GTF2H5: variants seen among roughly 807,000 people sequenced by gnomAD.
GTF2H5 encodes general transcription factor IIH subunit 5, also known as TFB5 ortholog.
Under a neutral mutation model 7.1 loss-of-function variants are expected in GTF2H5, and 5 were observed. The observed-to-expected ratio is 0.71, with a 90% CI of 0.37 to 1.49. The LOEUF (loss-of-function observed/expected upper bound fraction) is 1.49. Among genes scored for constraint, GTF2H5 ranks in the 40% most tolerant of loss-of-function variants. The probability of loss-of-function intolerance (pLI) is 0.03; values close to 1 mark genes in which losing one functional copy is unlikely to be tolerated. For missense variants in GTF2H5, 80 were observed against 83.0 expected (o/e 0.96, Z 0.14); for synonymous variants, 30 against 31.7 (o/e 0.95, Z 0.18).
At chr6:158,169,401 ATTG>A in intron 1 of GTF2H5, among the ~76,000 whole-genome samples, 1 of 71,212 alleles carries the variant, frequency 1.4e-5, no homozygotes, top group African/African-American at 5.2e-5. Flanking sequence ...ATAATATTAT[ATTG>A]TATATTATAT....
At chr6:158,169,698 T>C (rs192377948) in intron 1 of GTF2H5, among the ~76,000 whole-genome samples, 1 of 80,788 alleles carries the variant, frequency 1.2e-5, no homozygotes, top group South Asian at 3.1e-4. Flanking sequence ...ATATATTATA[T>C]AATATATTGT....
intron 2 of GTF2H5, among the ~76,000 whole-genome samples, chr6:158,170,840 G>A (rs1485053880): frequency 6.6e-6 from 1 of 152,170 alleles, no homozygotes; most frequent in African/African-American, 2.4e-5. Context: ...TCAGGAACTT[G>A]CTTAAGTCTT....
At chr6:158,191,829 A>T in intron 2 of GTF2H5, 148 bp from the exon 3 acceptor site, 1 of 685,616 alleles carries the variant, frequency 1.5e-6, no homozygotes, top group Non-Finnish European at 2.6e-6. Flanking sequence ...TAAATTGTTA[A>T]CACTTGAGGC....
At chr6:158,182,018 G>A (rs1786017898) in intron 2 of GTF2H5, among the ~76,000 whole-genome samples, 1 of 152,182 alleles carries the variant, frequency 6.6e-6, no homozygotes, top group Non-Finnish European at 1.5e-5. Context: ...GGTACCGGTT[G>A]TTCCTTTCCA....
intron 2 of GTF2H5, among the ~76,000 whole-genome samples, chr6:158,186,780 G>C (rs1776929283): frequency 6.6e-6 from 1 of 152,198 alleles, no homozygotes; most frequent in East Asian, 1.9e-4. Context: ...AAGGGGAATG[G>C]GGGGCGGGCT....
Position 158,199,197 on chromosome 6 carries a change from C to G in GTF2H5, c.*7040C>G, listed in dbSNP as rs1179340920. On this transcript the variant is annotated 3_prime_UTR_variant, in exon 3 of 3. Coordinates refer to ENST00000607778, the MANE Select transcript of GTF2H5 (RefSeq NM_207118.3). The stretch of plus-strand genomic sequence containing the variant: ...CTGAGCTTTTGGTTACGTTGCACTC[C>G]CTTTAAAATTACTCCGTTTAAGTAC... The G allele has an allele frequency of 6.6e-6, 1 of 151,304 alleles. No individual in the cohort carries two copies. Among genetic ancestry groups the G allele is most frequent in the Non-Finnish European group, 1.5e-5 (1 of 68,018 alleles). 9.4% of individuals were successfully genotyped at this position (151,304 alleles called of 1,614,324 possible).
intron 2 of GTF2H5, among the ~76,000 whole-genome samples, chr6:158,181,193 C>G (rs1786005331): frequency 6.6e-6 from 1 of 152,142 alleles, no homozygotes; most frequent in African/African-American, 2.4e-5. Context: ...TGAGTGAATT[C>G]TTAATCCTGA....
In GTF2H5 at chr6:158,169,451, TA is replaced by T. The variant is rs1454139025; in HGVS notation, c.-34-1018del. ...TATATTGTATATTATATATATTATA[TA>T]TTATATATATTATATTGTATATTAT... On this transcript the variant is annotated intron_variant, in intron 1 of 2. Coordinates refer to ENST00000607778, the MANE Select transcript of GTF2H5 (RefSeq NM_207118.3). 2.8e-5 allele frequency among the ~76,000 whole-genome samples: 2 copies of T among 71,094 alleles called. 1 individual carries two copies. Among genetic ancestry groups the T allele is most frequent in the East Asian group, 1.1e-3 (2 of 1,888 alleles). The allele number at this position is 71,094 out of a possible 152,430, so 46.6% of individuals were successfully genotyped here.
At chr6:158,172,703 A>T (rs532961482) in intron 2 of GTF2H5, among the ~76,000 whole-genome samples, 2 of 152,162 alleles carry the variant, frequency 1.3e-5, no homozygotes, top group African/African-American at 4.8e-5. Context: ...CCTTAATCAC[A>T]TAATTTTACT....
intron 2 of GTF2H5, among the ~76,000 whole-genome samples, chr6:158,177,531 G>C (rs1261909875): frequency 6.6e-6 from 1 of 152,180 alleles, no homozygotes; most frequent in African/African-American, 2.4e-5. Flanking sequence ...GGCTGCGCTG[G>C]GTAAAGCACA....
intron 2 of GTF2H5, among the ~76,000 whole-genome samples, chr6:158,186,112 A>G (rs1012381336): frequency 3.3e-5 from 5 of 152,234 alleles, no homozygotes; most frequent in African/African-American, 1.2e-4. Context: ...AGTTGATTTA[A>G]AGGCAATTTA....
At chr6:158,185,998 A>C (rs1486098510) in intron 2 of GTF2H5, among the ~76,000 whole-genome samples, 1 of 152,222 alleles carries the variant, frequency 6.6e-6, no homozygotes, top group Non-Finnish European at 1.5e-5. Context: ...GTCTCAAAAA[A>C]AATAAAGAGA....
chr6:158,173,396 T>A (rs1347648959), intron 2 of GTF2H5, among the ~76,000 whole-genome samples: 2 of 152,216 alleles, frequency 1.3e-5, no homozygotes, highest in Non-Finnish European at 2.9e-5. Flanking sequence ...TGGCCAGTGC[T>A]AGTGGATTCC....
At chr6:158,169,386 T>C (rs1370713663) in intron 1 of GTF2H5, among the ~76,000 whole-genome samples, 1 of 97,246 alleles carries the variant, frequency 1.0e-5, no homozygotes, top group South Asian at 2.6e-4. Flanking sequence ...TATTATATAT[T>C]ATATATAATA....
rs10625768 is a variant in GTF2H5 at position 158,192,905 on chromosome 6, CAAAAAAAAAA to C, written c.*765_*774del. 1.2e-4 allele frequency: 6 copies of C among 49,306 alleles called. No homozygotes were observed. Among genetic ancestry groups the C allele is most frequent in the South Asian group, 9.8e-4 (1 of 1,024 alleles). The allele number at this position is 49,306 out of a possible 1,614,324, so 3.1% of individuals were successfully genotyped here. A position where few individuals can be genotyped will look rare whatever the true frequency, so the allele number is the denominator to read the frequency against. Reference sequence around the variant, plus strand: ...CCTGGACAACAGAGAGACCCTGCCTCAAAAAAAAAAAAAAAAAAAAAAAAAATTCTACTTG... The same window carrying C: ...CCTGGACAACAGAGAGACCCTGCCTCAAAAAAAAAAAAAAAATTCTACTTG... On this transcript the variant is annotated 3_prime_UTR_variant, in exon 3 of 3. Transcript: ENST00000607778.
At chr6:158,173,910 A>C (rs1583629054) in intron 2 of GTF2H5, among the ~76,000 whole-genome samples, 1 of 152,186 alleles carries the variant, frequency 6.6e-6, no homozygotes, top group South Asian at 2.1e-4. Context: ...AGAGGCAGGG[A>C]TTCTGTGGAA....
rs79076913 is a variant in GTF2H5 at position 158,192,306 on chromosome 6, A to G, written c.*149A>G. On this transcript the variant is annotated 3_prime_UTR_variant, in exon 3 of 3. Transcript: ENST00000607778. ...AGGGATCATGATCATTTGTTCAGAA[A>G]AAAAGCCCCTGAACTGATTTTGTTA... 36 of 657,502 alleles carry G rather than the reference A, an allele frequency of 5.5e-5. 1 individual carries two copies. The highest frequency in any genetic ancestry group is 5.0e-4 in the South Asian group (29 of 57,652). The allele number at this position is 657,502 out of a possible 1,614,324, so 40.7% of individuals were successfully genotyped here.
chr6:158,172,316 CT>C (rs879859644), intron 2 of GTF2H5, among the ~76,000 whole-genome samples: 474 of 140,292 alleles, frequency 3.4e-3, no homozygotes, highest in African/African-American at 4.2e-3. Context: ...AAATTAGCTT[CT>C]TTTTTTTTTT....
Position 158,196,017 on chromosome 6 carries a change from C to G in GTF2H5, c.*3860C>G, listed in dbSNP as rs1450426997. On this transcript the variant is annotated 3_prime_UTR_variant, in exon 3 of 3. Transcript: ENST00000607778. ...ACTGACTGGGCCGGGCGCGGTGGCT[C>G]ACGTCTATAATCCTAGCACTTTGGG... The G allele has an allele frequency of 6.6e-6, 1 of 152,140 alleles. No homozygotes were observed. The highest frequency in any genetic ancestry group is 1.5e-5 in the Non-Finnish European group (1 of 68,046). The allele number at this position is 152,140 out of a possible 1,614,324, so 9.4% of individuals were successfully genotyped here.
Sources: allele counts gnomAD v4.1 joint callset (sites outside exome capture counted in the v4.1 genomes callset), GRCh38; gene constraint gnomAD v4.1.1; transcripts MANE v1.5; gene names NCBI Gene and HGNC (gene_info 2026-07-23, HGNC 2026-07-21).